POLE: variants seen among roughly 807,000 people sequenced by gnomAD.
POLE encodes DNA polymerase epsilon catalytic subunit A.
POLE carries 188 observed loss-of-function variants against 279.2 expected under a neutral mutation model. That is an observed-to-expected ratio of 0.67 (90% CI 0.60 to 0.76). The LOEUF (loss-of-function observed/expected upper bound fraction) is 0.76, where lower values mean the gene tolerates loss of function less well. Ranked by LOEUF, POLE falls within the 30% of genes least tolerant of loss-of-function variation. The probability of loss-of-function intolerance (pLI) is 0.00; values close to 1 mark genes in which losing one functional copy is unlikely to be tolerated. For synonymous variants in POLE, 1,214 were observed against 1,172.5 expected (o/e 1.04, Z -0.72); for missense variants, 2,703 against 3,016.7 (o/e 0.90, Z 2.44).
chr12:132,632,781 C>A lies in POLE; in HGVS notation c.6019G>T (p.Val2007Leu), dbSNP rs748106601. ...AGCCCGTCCTTCATGCAGTGGTACA[C>A]GGCCACGATGTACGCTGTGGAGAGG... ...LMIVSAYIVAVYHCMKDGLRR... is the reference protein window; with the variant it reads ...LMIVSAYIVALYHCMKDGLRR... The change falls in exon 44 of 49, where the codon GTG (valine) becomes TTG (leucine). Residue 2007 changes from valine to leucine, a missense_variant. Val to Leu is a conservative substitution (Grantham distance 32). This residue lies in a region of POLE where 1,551 missense variants were observed against 1,686.1 expected (regional missense o/e 0.92). Coordinates refer to ENST00000320574, the MANE Select transcript of POLE (RefSeq NM_006231.4). 1 of 1,609,132 alleles carries A rather than the reference C, an allele frequency of 6.2e-7. No individual in the cohort carries two copies. Among genetic ancestry groups the A allele is most frequent in the Non-Finnish European group, 8.5e-7 (1 of 1,179,566 alleles).
At position 132,625,100 on chromosome 12, in the gene POLE, C is replaced by A. The variant is rs577039037; in HGVS notation, c.6658-106G>T. On this transcript the variant is annotated intron_variant, in intron 47 of 48. Coordinates refer to ENST00000320574, the MANE Select transcript of POLE (RefSeq NM_006231.4). ...ACACATTCGTGGGCCCATCAGTAAGCCTCGAGCCCCTGCTGTGTGCAGCCA... is the reference window on the plus strand; with the variant it reads ...ACACATTCGTGGGCCCATCAGTAAGACTCGAGCCCCTGCTGTGTGCAGCCA... 80 of 800,526 alleles carry A rather than the reference C, an allele frequency of 1.0e-4. No individual in the cohort carries two copies. The African/African-American group carries it at 1.1e-3, about 11-fold the overall frequency. The allele number at this position is 800,526 out of a possible 1,614,324, so 49.6% of individuals were successfully genotyped here.
intron 32 of POLE, among the ~76,000 whole-genome samples, chr12:132,644,610 A>T (rs539869264): frequency 6.6e-6 from 1 of 151,662 alleles, no homozygotes; most frequent in East Asian, 1.9e-4. Context: ...AACTGAGAGA[A>T]ATCACATTTT....
rs755604606 is a variant in POLE, at chr12:132,632,522, G to A, written c.6137-14C>T. ...AGGTGATCATTCCTGGAAGTATAAG[G>A]ATGCTGAGGGAGGGGTCTGGGACCT... is the stretch of plus-strand genomic sequence containing the variant. On this transcript the variant is annotated splice_polypyrimidine_tract_variant and intron_variant, in intron 44 of 48. Coordinates refer to ENST00000320574, the MANE Select transcript of POLE (RefSeq NM_006231.4). The A allele has an allele frequency of 6.2e-7, 1 of 1,613,378 alleles. No homozygotes were observed. The highest frequency in any genetic ancestry group is 8.5e-7 in the Non-Finnish European group (1 of 1,179,306).
In POLE at chr12:132,677,555, C is replaced by T. The variant is rs200986413; in HGVS notation, c.720+23G>A. On this transcript the variant is annotated intron_variant, in intron 7 of 48. Coordinates refer to ENST00000320574, the MANE Select transcript of POLE (RefSeq NM_006231.4). ...GCTGTTAGGAAATTCATGTGAGCAG[C>T]GACCCAACCCTGCCCCACTCACCAC... The T allele has an allele frequency of 8.6e-5, 138 of 1,613,612 alleles. No homozygotes were observed. In the African/African-American group the frequency reaches 1.3e-3, roughly 15 times the overall value.
In POLE at chr12:132,674,286, G is replaced by A. The variant is rs533830642; in HGVS notation, c.1227-579C>T. Among the ~76,000 whole-genome samples, 67 of 152,058 alleles carry A rather than the reference G, an allele frequency of 4.4e-4. 1 individual carries two copies. Among genetic ancestry groups the A allele is most frequent in the Admixed American group, 3.9e-3 (60 of 15,272 alleles). Reference sequence around the variant, plus strand: ...GAGCAGCTGTCCAGGGGTCATGTCCGGTCTCCACCCCCCGCAGCCTCCACC... The same window carrying A: ...GAGCAGCTGTCCAGGGGTCATGTCCAGTCTCCACCCCCCGCAGCCTCCACC... On this transcript the variant is annotated intron_variant, in intron 12 of 48. Transcript: ENST00000320574.
At chr12:132,627,154 G>A (rs1381368824) in intron 45 of POLE, among the ~76,000 whole-genome samples, 1 of 152,132 alleles carries the variant, frequency 6.6e-6, no homozygotes, top group African/African-American at 2.4e-5. Context: ...GGTGGCGGGT[G>A]CACCTGTGAT....
intron 16 of POLE, among the ~76,000 whole-genome samples, chr12:132,670,835 C>T (rs1461203951): frequency 6.6e-6 from 1 of 152,154 alleles, no homozygotes; most frequent in African/African-American, 2.4e-5. Flanking sequence ...ACAAGGCTCT[C>T]TTCCTGATCG....
intron 29 of POLE, chr12:132,650,856 G>C (rs1184328230): frequency 2.1e-5 from 3 of 146,126 alleles, no homozygotes; most frequent in African/African-American, 7.6e-5. Flanking sequence ...GGACACATCT[G>C]ACTGCAACTT....
At position 132,679,668 on chromosome 12, in the gene POLE, T is replaced by A. The variant is rs756954076; in HGVS notation, c.424-17A>T. 10 of 1,600,498 alleles carry A rather than the reference T, an allele frequency of 6.2e-6. No individual in the cohort carries two copies. The highest frequency in any genetic ancestry group is 8.6e-6 in the Non-Finnish European group (10 of 1,168,572). On this transcript the variant is annotated splice_polypyrimidine_tract_variant and intron_variant, in intron 5 of 48. Coordinates refer to ENST00000320574, the MANE Select transcript of POLE (RefSeq NM_006231.4). ...GTGATTTGGCTATAATGCGAAGAGA[T>A]CACGCTCATTGGTTCAAGAGAAATA... is the stretch of plus-strand genomic sequence containing the variant.
chr12:132,677,697 T>C lies in POLE; in HGVS notation c.601A>G (p.Ile201Val), dbSNP rs1187736101. The change falls in exon 7 of 49, where the codon ATT becomes GTT. Residue 201 changes from isoleucine to valine, a missense_variant. Ile to Val is a conservative substitution (Grantham distance 29, BLOSUM62 3). Around this residue, in one of 5 missense-constraint regions of POLE, gnomAD observed 1,011 missense variants for 1,111.7 expected, o/e 0.91. Transcript: ENST00000320574. ...TTAGAGGTTTCCTCTTCATCAGTAA[T>C]GACACCGCCCCTCTGCAGAACACTA... Reference protein sequence around the residue: ...LSSVLQRGGVITDEEETSKKI... With the variant: ...LSSVLQRGGVVTDEEETSKKI... The C allele has an allele frequency of 2.5e-6, 4 of 1,614,132 alleles. No homozygotes were observed. The highest frequency in any genetic ancestry group is 1.7e-4 in the Middle Eastern group (1 of 6,046).
Position 132,632,299 on chromosome 12 carries a change from A to T in POLE, c.6330+16T>A. The T allele has an allele frequency of 6.2e-7, 1 of 1,605,724 alleles. No individual in the cohort carries two copies. Among genetic ancestry groups the T allele is most frequent in the Non-Finnish European group, 8.5e-7 (1 of 1,172,968 alleles). On this transcript the variant is annotated intron_variant, in intron 45 of 48. Transcript: ENST00000320574. Reference sequence around the variant, plus strand: ...ACGTTAGTGTCCTCTCCTCACACGCACGCTGGCACTCTCACCTTGCACACG... The same window carrying T: ...ACGTTAGTGTCCTCTCCTCACACGCTCGCTGGCACTCTCACCTTGCACACG...
chr12:132,676,362 G>A (rs762192916), intron 9 of POLE, 158 bp from the exon 10 acceptor site: 4 of 710,612 alleles, frequency 5.6e-6, no homozygotes, highest in Non-Finnish European at 9.8e-6. Context: ...GACGCTCTGT[G>A]TGTGGATTCC....
rs374074035 is a variant in POLE, at chr12:132,679,565, G to A, written c.510C>T (p.Ile170=). Residue 170 remains isoleucine (I), a synonymous_variant, in exon 6 of 49, where the codon ATC becomes ATT. Coordinates refer to ENST00000320574, the MANE Select transcript of POLE (RefSeq NM_006231.4). The stretch of plus-strand genomic sequence containing the variant: ...CCCTGTTCTTCTTCACGGCAGGGGA[G>A]ATCTCCTTCCTCACTTTGACAAGAT... ...VEDLVKVRKE[I]SPAVKKNREQ... 10 of 1,614,118 alleles carry A rather than the reference G, an allele frequency of 6.2e-6. No individual in the cohort carries two copies. The highest frequency in any genetic ancestry group is 1.3e-5 in the African/African-American group (1 of 75,040).
intron 29 of POLE, among the ~76,000 whole-genome samples, chr12:132,656,309 ACT>A (rs988983083): frequency 4.6e-5 from 7 of 151,040 alleles, no homozygotes; most frequent in African/African-American, 1.7e-4. Context: ...TACATATATA[ACT>A]CTTACAAATA....
rs5744848 is a variant in POLE at position 132,660,780 on chromosome 12, G to A, written c.3060+189C>T. 7.9e-3 allele frequency: 3,501 copies of A among 443,638 alleles called. 87 individuals carry two copies. Among genetic ancestry groups the A allele is most frequent in the African/African-American group, 0.057 (2,875 of 50,424 alleles). The allele number at this position is 443,638 out of a possible 1,614,324, so 27.5% of individuals were successfully genotyped here. A position where few individuals can be genotyped will look rare whatever the true frequency, so the allele number is the denominator to read the frequency against. ...AGAAAAACGTTTCCCTCAGAGTTGT[G>A]TCCCTGGATGCAGAAGTTGAGGGGA... On this transcript the variant is annotated intron_variant, in intron 25 of 48. Coordinates refer to ENST00000320574, the MANE Select transcript of POLE (RefSeq NM_006231.4).
At chr12:132,648,744 C>G in intron 32 of POLE, 185 bp downstream of exon 32, 1 of 605,718 alleles carries the variant, frequency 1.7e-6, no homozygotes, top group East Asian at 2.9e-5. Flanking sequence ...ACACCAGCAG[C>G]TCCATTCCCG....
intron 32 of POLE, among the ~76,000 whole-genome samples, chr12:132,646,824 C>G (rs2042295319): frequency 6.6e-6 from 1 of 151,878 alleles, no homozygotes; most frequent in African/African-American, 2.4e-5. Flanking sequence ...GAGAGAAACT[C>G]CATCTCAAAA....
rs1565940240 is a variant in POLE at position 132,643,842 on chromosome 12, T to TCTCATATACG, written c.4275_4284dup (p.Thr1429ArgfsTer3). 10 of 1,613,556 alleles carry TCTCATATACG rather than the reference T, an allele frequency of 6.2e-6. No individual in the cohort carries two copies. Among genetic ancestry groups the TCTCATATACG allele is most frequent in the Non-Finnish European group, 8.5e-6 (10 of 1,179,556 alleles). On this transcript the variant is annotated stop_gained and frameshift_variant, in exon 33 of 49. Transcript: ENST00000320574. LOFTEE classifies it high-confidence loss of function. The stretch of plus-strand genomic sequence containing the variant: ...GAGGGTGGCTGGGGAGTCACCTGAG[T>TCTCATATACG]CTCATATACGCCCTCGATGTCTGGC...
rs774645622 is a variant in POLE at position 132,659,448 on chromosome 12, C to T, written c.3122G>A (p.Arg1041Gln). ...CTGCTCCCCGTAATCTTCCAGCTTC[C>T]GAGACATGGAACGGTTCTCAGAGAT... is the stretch of plus-strand genomic sequence containing the variant. The part of the protein sequence containing the change: ...ELISENRSMS[R>Q]KLEDYGEQKS... The change falls in exon 26 of 49, where the codon CGG becomes CAG. Residue 1041 changes from arginine to glutamine, a missense_variant. Around this residue, in one of 5 missense-constraint regions of POLE, gnomAD observed 1,551 missense variants for 1,686.1 expected, o/e 0.92. Transcript: ENST00000320574. 14 of 1,614,084 alleles carry T rather than the reference C, an allele frequency of 8.7e-6. No individual in the cohort carries two copies. The highest frequency in any genetic ancestry group is 6.7e-5 in the Admixed American group (4 of 60,010).
Sources: gnomAD v4.1 joint callset for allele counts (sites outside exome capture counted in the v4.1 genomes callset) on GRCh38, gnomAD v4.1.1 for gene constraint, gnomAD v4.1.1 regional missense constraint, MANE v1.5 for transcripts, NCBI Gene and HGNC (gene_info 2026-07-23, HGNC 2026-07-21) for gene names.